The following HCRTR2 variants were observed in gnomAD, a reference collection of about 807,000 sequenced individuals.
HCRTR2 encodes orexin receptor type 2.
A neutral mutation model predicts 49.0 loss-of-function variants in HCRTR2; 22 were observed. The ratio of observed to expected loss-of-function variants is 0.45; its 90% CI spans 0.32 to 0.64. HCRTR2 has a LOEUF of 0.64. HCRTR2 is among the 30% of genes least tolerant of loss of function. The pLI is 0.04. For missense variants in HCRTR2, 491 were observed against 559.4 expected, an observed-to-expected ratio of 0.88 and a Z score of 1.23; for synonymous variants, 236 against 205.3, an observed-to-expected ratio of 1.15 and a Z score of -1.28.
At chr6:55,109,791 CAT>C (rs1764024968) in intron 1 of HCRTR2, among the ~76,000 whole-genome samples, 1 of 152,096 alleles carries the variant, frequency 6.6e-6, no homozygotes, top group East Asian at 1.9e-4. Context: ...GTTTGTAAAA[CAT>C]ATTTGAAGGA....
chr6:55,222,304 T>TAAA (rs199660411), intron 1 of HCRTR2, among the ~76,000 whole-genome samples: 9 of 141,058 alleles, frequency 6.4e-5, no homozygotes, highest in South Asian at 2.3e-4. Flanking sequence ...GAAAGAGAAT[T>TAAA]AAAAAAAAAA....
chr6:55,145,091 G>A (rs1318278793), intron 1 of HCRTR2, among the ~76,000 whole-genome samples: 2 of 151,878 alleles, frequency 1.3e-5, no homozygotes, highest in African/African-American at 2.4e-5. Flanking sequence ...TACAAAGTAC[G>A]TAGATTTTAC....
At chr6:55,178,001 C>A (rs1211277773) in intron 1 of HCRTR2, among the ~76,000 whole-genome samples, 4 of 152,140 alleles carry the variant, frequency 2.6e-5, no homozygotes, top group African/African-American at 7.2e-5. Flanking sequence ...ATAATGCCAC[C>A]TATAACCTAT....
intron 4 of HCRTR2, among the ~76,000 whole-genome samples, chr6:55,273,710 T>C (rs553115409): frequency 4.6e-4 from 46 of 100,826 alleles, no homozygotes; most frequent in Non-Finnish European, 9.1e-4. Context: ...ATATACTTTC[T>C]TCCTACTTTG....
At chr6:55,147,244 A>G (rs554823782) in intron 1 of HCRTR2, among the ~76,000 whole-genome samples, 1 of 152,280 alleles carries the variant, frequency 6.6e-6, no homozygotes, top group Admixed American at 6.5e-5. Context: ...GGATAAAAGT[A>G]TAATATATAC....
chr6:55,241,861 A>ATTTTTTTTTTTTTTTTTTTTTTTTGGTAT (rs917427627), intron 1 of HCRTR2, among the ~76,000 whole-genome samples: 1 of 92,524 alleles, frequency 1.1e-5, no homozygotes. Flanking sequence ...ATGGCAACTA[A>ATTTTTTTTTTTTTTTTTTTTTTTTGGTAT]TTTTTTTTTT....
At chr6:55,133,695 ATCTATCTAT>A (rs148867774) in intron 1 of HCRTR2, among the ~76,000 whole-genome samples, 5,462 of 149,388 alleles carry the variant, frequency 0.037, 326 homozygotes, top group African/African-American at 0.12. Context: ...CTATCTATCT[ATCTATCTAT>A]ATCTCCATCT....
upstream of HCRTR2, among the ~76,000 whole-genome samples, chr6:55,173,341 T>C (rs910177291): frequency 2.0e-5 from 3 of 152,206 alleles, no homozygotes; most frequent in Non-Finnish European, 4.4e-5. Flanking sequence ...TGGGGACATG[T>C]CAGCAATGTT....
intron 1 of HCRTR2, among the ~76,000 whole-genome samples, chr6:55,190,290 T>C (rs3134690): frequency 0.27 from 40,538 of 151,850 alleles, 5,798 homozygotes; most frequent in African/African-American, 0.36. Context: ...ACTGAACCAA[T>C]AGGATTTGAT....
intron 3 of HCRTR2, among the ~76,000 whole-genome samples, chr6:55,261,331 T>C (rs1171294020): frequency 6.6e-6 from 1 of 151,992 alleles, no homozygotes; most frequent in Non-Finnish European, 1.5e-5. Context: ...AACAAGCATA[T>C]GAAAAAATGT....
At chr6:55,137,615 A>T (rs7762287) in intron 1 of HCRTR2, among the ~76,000 whole-genome samples, 152,200 of 152,238 alleles carry the variant, frequency 1, 76,081 homozygotes, top group Non-Finnish European at 1. Context: ...ACCTGGACCA[A>T]TTTATATCTT....
chr6:55,282,652 G>A (rs199945082), downstream of HCRTR2: 1 of 583,092 alleles, frequency 1.7e-6, no homozygotes, highest in African/African-American at 1.9e-5. Flanking sequence ...TATGTTAGAA[G>A]TTTAACCTTC....
chr6:55,147,606 C>G (rs1182774095), intron 1 of HCRTR2, among the ~76,000 whole-genome samples: 2 of 152,124 alleles, frequency 1.3e-5, no homozygotes, highest in African/African-American at 4.8e-5. Flanking sequence ...AAGGGTCTCT[C>G]AGGTTCAGTA....
chr6:55,132,903 A>G (rs1764379461), intron 1 of HCRTR2, among the ~76,000 whole-genome samples: 1 of 151,768 alleles, frequency 6.6e-6, no homozygotes, highest in Non-Finnish European at 1.5e-5. Flanking sequence ...TAGACACCAG[A>G]GACCCATGAT....
intron 1 of HCRTR2, among the ~76,000 whole-genome samples, chr6:55,206,808 T>A (rs1765610150): frequency 6.6e-6 from 1 of 152,046 alleles, no homozygotes; most frequent in South Asian, 2.1e-4. Context: ...CTTGAAAAGA[T>A]CACATCAAAA....
intron 1 of HCRTR2, among the ~76,000 whole-genome samples, chr6:55,221,955 T>C (rs1765906725): frequency 6.6e-6 from 1 of 151,308 alleles, no homozygotes; most frequent in South Asian, 2.1e-4. Flanking sequence ...AATAGATAAG[T>C]GGAACTACAT....
chr6:55,284,032 C>A (rs1034466997), downstream of HCRTR2, among the ~76,000 whole-genome samples: 1 of 152,132 alleles, frequency 6.6e-6, no homozygotes, highest in African/African-American at 2.4e-5. Context: ...TTTAGAACTT[C>A]TTTTCTTATT....
rs903022283 is a variant in HCRTR2 at position 55,267,410 on chromosome 6, T to G, written c.762+3588T>G. Among the ~76,000 whole-genome samples the G allele has an allele frequency of 6.6e-5, 10 of 151,676 alleles. 1 individual carries two copies. The highest frequency in any genetic ancestry group is 4.2e-4 in the South Asian group (2 of 4,792). ...TTAAATTCTCTCTCTCTCTGTTTTT[T>G]TTTTTTTTTTTGGCAATTCGACTCA... is the stretch of plus-strand genomic sequence containing the variant. On this transcript the variant is annotated intron_variant, in intron 4 of 6. Transcript: ENST00000370862.
At chr6:55,138,814 C>T (rs987500318) in intron 1 of HCRTR2, among the ~76,000 whole-genome samples, 2 of 152,208 alleles carry the variant, frequency 1.3e-5, no homozygotes, top group African/African-American at 4.8e-5. Flanking sequence ...TCTTTCCTCT[C>T]AACTATATAT....
Sources: gnomAD v4.1 joint callset for allele counts (sites outside exome capture counted in the v4.1 genomes callset) on GRCh38, gnomAD v4.1.1 for gene constraint, MANE v1.5 for transcripts, NCBI Gene and HGNC (gene_info 2026-07-23, HGNC 2026-07-21) for gene names.